The following SORCS3 variants were observed in gnomAD, a reference collection of about 807,000 sequenced individuals.
SORCS3 encodes the protein VPS10 domain-containing receptor SorCS3.
Under a neutral mutation model 146.3 loss-of-function variants are expected in SORCS3, and 57 were observed. The observed-to-expected ratio is 0.39, with a 90% CI of 0.31 to 0.49. SORCS3 has a LOEUF of 0.49. Among genes scored for constraint, SORCS3 ranks in the 20% least tolerant of loss-of-function variants. The pLI is 0.92. For synonymous variants in SORCS3, 653 were observed against 618.5 expected (o/e 1.06, Z -0.83); for missense variants, 1,341 against 1,575.5 (o/e 0.85, Z 2.52).
At chr10:104,677,282 G>C (rs2015921735) in intron 1 of SORCS3, among the ~76,000 whole-genome samples, 1 of 152,200 alleles carries the variant, frequency 6.6e-6, no homozygotes, top group Admixed American at 6.5e-5. Context: ...AGCTGGGCCA[G>C]CTCCCCTGTC....
At chr10:105,253,769 C>T (rs1564796607) in intron 23 of SORCS3, among the ~76,000 whole-genome samples, 1 of 152,196 alleles carries the variant, frequency 6.6e-6, no homozygotes, top group South Asian at 2.1e-4. Context: ...CATCCACAGA[C>T]ATTGAGCGGT....
intron 25 of SORCS3, among the ~76,000 whole-genome samples, chr10:105,258,773 G>A (rs905918402): frequency 2.9e-4 from 44 of 152,116 alleles, no homozygotes; most frequent in African/African-American, 1.1e-3. Context: ...TACCTTTGTA[G>A]TTCCCAGGTA....
intron 5 of SORCS3, among the ~76,000 whole-genome samples, chr10:105,063,453 A>G (rs1003679324): frequency 6.6e-6 from 1 of 152,222 alleles, no homozygotes; most frequent in South Asian, 2.1e-4. Flanking sequence ...ATAATTATTT[A>G]TTTGTCCTGT....
At chr10:104,824,708 T>C (rs1033986177) in intron 1 of SORCS3, among the ~76,000 whole-genome samples, 4 of 152,250 alleles carry the variant, frequency 2.6e-5, no homozygotes, top group Admixed American at 2.6e-4. Context: ...CTCCTGCCTT[T>C]GCCCTCATCC....
At chr10:105,240,743 CT>C (rs1217264711) in intron 20 of SORCS3, among the ~76,000 whole-genome samples, 1 of 151,910 alleles carries the variant, frequency 6.6e-6, no homozygotes, top group Non-Finnish European at 1.5e-5. Context: ...AGACATTCAC[CT>C]GTGTAATCCA....
At chr10:104,823,456 TC>T (rs2017899098) in intron 1 of SORCS3, among the ~76,000 whole-genome samples, 1 of 152,156 alleles carries the variant, frequency 6.6e-6, no homozygotes, top group Non-Finnish European at 1.5e-5. Context: ...CATAAGGGAT[TC>T]CCTCCCACCT....
Position 104,969,338 on chromosome 10 carries a change from T to C in SORCS3, c.796-7997T>C, listed in dbSNP as rs569653710. Among the ~76,000 whole-genome samples the C allele has an allele frequency of 2.5e-3, 364 of 143,436 alleles. 4 individuals are homozygous for C. The highest frequency in any genetic ancestry group is 8.6e-3 in the African/African-American group (312 of 36,330). The allele number at this position is 143,436 out of a possible 152,430, so 94.1% of individuals were successfully genotyped here. A position where few individuals can be genotyped will look rare whatever the true frequency, so the allele number is the denominator to read the frequency against. ...GTGTGTGTGTGTGTGTGTGTGTGTGTGTGCGCGCGCGCGTACAGAGCATGG... is the reference window on the plus strand; with the variant it reads ...GTGTGTGTGTGTGTGTGTGTGTGTGCGTGCGCGCGCGCGTACAGAGCATGG... On this transcript the variant is annotated intron_variant, in intron 3 of 26. Transcript: ENST00000369701.
At chr10:105,161,101 AT>A (rs60463067) in intron 11 of SORCS3, among the ~76,000 whole-genome samples, 2,087 of 152,188 alleles carry the variant, frequency 0.014, 38 homozygotes, top group African/African-American at 0.047. Flanking sequence ...TTATTTTTGA[AT>A]TTTTTTGTCC....
rs755567921 is a variant in SORCS3 at position 105,056,729 on chromosome 10, C to G, written c.1028+13601C>G. 5.7e-4 allele frequency among the ~76,000 whole-genome samples: 87 copies of G among 152,166 alleles called. 1 individual carries two copies. Among genetic ancestry groups the G allele is most frequent in the Non-Finnish European group, 2.5e-4 (17 of 68,034 alleles). The stretch of plus-strand genomic sequence containing the variant: ...TGGTGAAAAATTATACAGTTGTACA[C>G]TTTAAATGCGTGTACCAAATGTACA... On this transcript the variant is annotated intron_variant, in intron 5 of 26. Coordinates refer to ENST00000369701, the MANE Select transcript of SORCS3 (RefSeq NM_014978.3).
chr10:104,882,368 C>T (rs1469625906), intron 2 of SORCS3, among the ~76,000 whole-genome samples: 1 of 152,154 alleles, frequency 6.6e-6, no homozygotes, highest in Non-Finnish European at 1.5e-5. Flanking sequence ...CTCCTGGCTT[C>T]AGATACTCTT....
At chr10:105,139,592 C>T in intron 8 of SORCS3, 106 bp downstream of exon 8, 2 of 842,192 alleles carry the variant, frequency 2.4e-6, no homozygotes, top group South Asian at 3.1e-5. Flanking sequence ...GGAAGGACTG[C>T]TGGCATTTAG....
At position 105,043,057 on chromosome 10, in the gene SORCS3, C is replaced by T; in HGVS notation, c.957C>T (p.Leu319=). ...WVLAYSLDQK[L]YSSMDFGRRW... ...ATTCTCACTTCATTGTTTTGCAGCT[C>T]TACAGCTCCATGGACTTTGGAAGAC... Residue 319 remains leucine, a splice_region_variant and synonymous_variant, in exon 5 of 27, where the codon CTC becomes CTT. Transcript: ENST00000369701. The T allele has an allele frequency of 6.2e-7, 1 of 1,613,632 alleles. No homozygotes were observed. Among genetic ancestry groups the T allele is most frequent in the East Asian group, 2.2e-5 (1 of 44,866 alleles).
chr10:104,875,149 C>G (rs942653578), intron 2 of SORCS3, among the ~76,000 whole-genome samples: 3 of 152,310 alleles, frequency 2.0e-5, no homozygotes, highest in Admixed American at 2.0e-4. Flanking sequence ...AGCCTTCTAC[C>G]TACTCATTAC....
chr10:105,093,014 G>A (rs1035512386), intron 6 of SORCS3, among the ~76,000 whole-genome samples: 1 of 152,126 alleles, frequency 6.6e-6, no homozygotes, highest in Non-Finnish European at 1.5e-5. Flanking sequence ...CATATAGACT[G>A]CAAAGAAGAA....
At chr10:104,735,477 T>TTTTTTTTTTTTTTTTTTTTTTTTTTTTA (rs1564671258) in intron 1 of SORCS3, among the ~76,000 whole-genome samples, 3 of 141,876 alleles carry the variant, frequency 2.1e-5, no homozygotes, top group Non-Finnish European at 4.6e-5. Context: ...TTTTTTTTTT[T>TTTTTTTTTTTTTTTTTTTTTTTTTTTTA]AATCAATCCC....
Position 104,662,850 on chromosome 10 carries a change from A to G in SORCS3, c.627+20896A>G, listed in dbSNP as rs1272110868. Among the ~76,000 whole-genome samples, 4 of 152,182 alleles carry G rather than the reference A, an allele frequency of 2.6e-5. No individual in the cohort carries two copies. The East Asian group carries it at 7.7e-4, about 29-fold the overall frequency. ...TAGCCCACTGGCAAACTTGCATGTTATTTTTATAGGCACTGGGAACTCTTA... is the reference window on the plus strand; with the variant it reads ...TAGCCCACTGGCAAACTTGCATGTTGTTTTTATAGGCACTGGGAACTCTTA... On this transcript the variant is annotated intron_variant, in intron 1 of 26. Coordinates refer to ENST00000369701, the MANE Select transcript of SORCS3 (RefSeq NM_014978.3).
intron 23 of SORCS3, among the ~76,000 whole-genome samples, chr10:105,253,726 C>T (rs1399918428): frequency 1.3e-5 from 2 of 152,216 alleles, no homozygotes; most frequent in East Asian, 1.9e-4. Flanking sequence ...CCCTGTGATA[C>T]TCACTGGCCA....
In SORCS3 at chr10:104,839,215, A is replaced by G. The variant is rs116472977; in HGVS notation, c.628-3577A>G. Among the ~76,000 whole-genome samples, 1,412 of 152,318 alleles carry G rather than the reference A, an allele frequency of 9.3e-3. 17 individuals carry two copies. The highest frequency in any genetic ancestry group is 0.032 in the African/African-American group (1,335 of 41,564). On this transcript the variant is annotated intron_variant, in intron 1 of 26. Coordinates refer to ENST00000369701, the MANE Select transcript of SORCS3 (RefSeq NM_014978.3). ...TGTTTAGACTTTAGTTGAGAAGGCC[A>G]CTCATGTAACGTTCAGAAACTATCA...
Position 105,145,521 on chromosome 10 carries a change from T to G in SORCS3, c.1303-2096T>G, listed in dbSNP as rs1188038386. On this transcript the variant is annotated intron_variant, in intron 8 of 26. Coordinates refer to ENST00000369701, the MANE Select transcript of SORCS3 (RefSeq NM_014978.3). The stretch of plus-strand genomic sequence containing the variant: ...TTAGTTTAGTCTAAAATAACTTAGC[T>G]CATTCATTTTTATGACCAAAACATC... 2.6e-5 allele frequency among the ~76,000 whole-genome samples: 4 copies of G among 152,224 alleles called. No individual in the cohort carries two copies. The East Asian group carries it at 7.8e-4, about 30-fold the overall frequency.
Sources: gnomAD v4.1 joint callset for allele counts (sites outside exome capture counted in the v4.1 genomes callset) on GRCh38, gnomAD v4.1.1 for gene constraint, MANE v1.5 for transcripts, NCBI Gene and HGNC (gene_info 2026-07-23, HGNC 2026-07-21) for gene names.